PPIP5K2: variants seen among roughly 807,000 people sequenced by gnomAD.
PPIP5K2 encodes inositol hexakisphosphate and diphosphoinositol-pentakisphosphate kinase 2.
A neutral mutation model predicts 154.6 loss-of-function variants in PPIP5K2; 105 were observed. That is an observed-to-expected ratio of 0.68 (90% CI 0.58 to 0.80). PPIP5K2 has a LOEUF of 0.80. Among genes scored for constraint, PPIP5K2 ranks in the 30% least tolerant of loss-of-function variants. The pLI is 0.00. For synonymous variants in PPIP5K2, 480 were observed against 490.3 expected (o/e 0.98, Z 0.28); for missense variants, 992 against 1,504.6 (o/e 0.66, Z 5.64).
rs1349254126 is a variant in PPIP5K2 at position 103,203,521 on chromosome 5, A to G, written c.*1887A>G. Reference sequence around the variant, plus strand: ...ACAAATAAAAAGTCTACTGTATCAGAGCAAAATGTTATAGTTATCACTGTT... The same window carrying G: ...ACAAATAAAAAGTCTACTGTATCAGGGCAAAATGTTATAGTTATCACTGTT... On this transcript the variant is annotated 3_prime_UTR_variant, in exon 31 of 31. Transcript: ENST00000358359. 1.3e-5 allele frequency: 2 copies of G among 152,186 alleles called. No homozygotes were observed. Among genetic ancestry groups the G allele is most frequent in the South Asian group, 4.1e-4 (2 of 4,832 alleles). 9.4% of individuals were successfully genotyped at this position (152,186 alleles called of 1,614,324 possible). A position where few individuals can be genotyped will look rare whatever the true frequency, so the allele number is the denominator to read the frequency against.
rs1554224235 is a variant in PPIP5K2, at chr5:103,184,694, A to G, written c.3119A>G (p.Tyr1040Cys). 1 of 1,612,482 alleles carries G rather than the reference A, an allele frequency of 6.2e-7. No individual in the cohort carries two copies. Among genetic ancestry groups the G allele is most frequent in the Non-Finnish European group, 8.5e-7 (1 of 1,178,718 alleles). Residue 1040 changes from tyrosine (Y) to cysteine (C), a missense_variant, in exon 26 of 31, where the codon TAC becomes TGC. Physicochemically the swap from Tyr to Cys is radical, Grantham distance 194. This residue lies in a region of PPIP5K2 where 204 missense variants were observed against 224.0 expected (regional missense o/e 0.91). Transcript: ENST00000358359. ...WQQVVSENAN[Y>C]LRTPRTLVEQ... The stretch of plus-strand genomic sequence containing the variant: ...CAGGTTGTATCTGAAAATGCTAATT[A>G]CCTGAGAACACCAAGAACTCTTGTG...
At chr5:103,137,037 C>T (rs1003840408) in intron 4 of PPIP5K2, among the ~76,000 whole-genome samples, 5 of 152,140 alleles carry the variant, frequency 3.3e-5, no homozygotes, top group African/African-American at 7.2e-5. Flanking sequence ...AAGTTCCCCA[C>T]GTAGTAGGAC....
intron 28 of PPIP5K2, among the ~76,000 whole-genome samples, chr5:103,187,916 C>T (rs989562084): frequency 2.6e-5 from 4 of 152,084 alleles, no homozygotes; most frequent in Admixed American, 6.6e-5. Context: ...AAACCCTGTT[C>T]GGTCTGGAGC....
intron 16 of PPIP5K2, among the ~76,000 whole-genome samples, chr5:103,158,895 C>T (rs1479857860): frequency 1.5e-4 from 23 of 152,246 alleles, no homozygotes; most frequent in African/African-American, 5.5e-4. Flanking sequence ...CACCGCTGCA[C>T]TCTACCGCAG....
chr5:103,146,767 T>A, intron 6 of PPIP5K2, 86 bp downstream of exon 6: 1 of 1,166,490 alleles, frequency 8.6e-7, no homozygotes, highest in Non-Finnish European at 1.2e-6. Flanking sequence ...TAATTACCGT[T>A]AAATATTGAA....
intron 28 of PPIP5K2, among the ~76,000 whole-genome samples, chr5:103,190,300 C>T (rs1157112466): frequency 2.0e-5 from 3 of 151,866 alleles, no homozygotes; most frequent in African/African-American, 2.4e-5. Flanking sequence ...AGGTGAAATA[C>T]GTTTTGGAAT....
chr5:103,210,836 A>C lies in PPIP5K2; in HGVS notation c.*9202A>C, dbSNP rs1554232545. 6.6e-6 allele frequency: 1 copy of C among 152,158 alleles called. No homozygotes were observed. Among genetic ancestry groups the C allele is most frequent in the Admixed American group, 6.5e-5 (1 of 15,268 alleles). 9.4% of individuals were successfully genotyped at this position (152,158 alleles called of 1,614,324 possible). A position where few individuals can be genotyped will look rare whatever the true frequency, so the allele number is the denominator to read the frequency against. On this transcript the variant is annotated 3_prime_UTR_variant, in exon 31 of 31. Coordinates refer to ENST00000358359, the MANE Select transcript of PPIP5K2 (RefSeq NM_001276277.3). Reference sequence around the variant, plus strand: ...ATAATAGCTTTTTGTTATTATCCAGAATACATTTAGTTCTGGATTTTGTTT... The same window carrying C: ...ATAATAGCTTTTTGTTATTATCCAGCATACATTTAGTTCTGGATTTTGTTT...
chr5:103,170,459 T>G (rs1388489817), intron 19 of PPIP5K2, among the ~76,000 whole-genome samples: 1 of 151,656 alleles, frequency 6.6e-6, no homozygotes. Context: ...TTTAAATCGT[T>G]TGACTCTTCA....
intron 28 of PPIP5K2, chr5:103,188,813 A>G (rs1800785881): frequency 5.8e-6 from 1 of 171,756 alleles, no homozygotes; most frequent in African/African-American, 2.4e-5. Flanking sequence ...TATTTATGTT[A>G]AATTTAATAG....
At chr5:103,143,695 T>G (rs1793241573) in intron 5 of PPIP5K2, among the ~76,000 whole-genome samples, 1 of 152,222 alleles carries the variant, frequency 6.6e-6, no homozygotes, top group Admixed American at 6.5e-5. Flanking sequence ...CATATGATCA[T>G]TTCAATTGAT....
Position 103,173,975 on chromosome 5 carries a change from A to T in PPIP5K2, c.2529+3A>T. 1 of 1,528,542 alleles carries T rather than the reference A, an allele frequency of 6.5e-7. No homozygotes were observed. The highest frequency in any genetic ancestry group is 9.0e-7 in the Non-Finnish European group (1 of 1,112,768). 94.7% of individuals were successfully genotyped at this position (1,528,542 alleles called of 1,614,324 possible). On this transcript the variant is annotated splice_donor_region_variant and intron_variant, in intron 21 of 30. Coordinates refer to ENST00000358359, the MANE Select transcript of PPIP5K2 (RefSeq NM_001276277.3). ...TTCGCTATGGTGCCTTATGCAATGT[A>T]AGTAGAATAAGTTATTTCAGTCTAA... is the stretch of plus-strand genomic sequence containing the variant.
At chr5:103,153,965 A>C (rs1188362071) in intron 11 of PPIP5K2, 31 bp downstream of exon 11, 2 of 1,465,574 alleles carry the variant, frequency 1.4e-6, no homozygotes, top group Non-Finnish European at 1.9e-6. Context: ...TTTAACATGC[A>C]TGATACAATT....
At chr5:103,167,352 A>G (rs1222462393) in intron 18 of PPIP5K2, 32 bp downstream of exon 18, 3 of 1,479,736 alleles carry the variant, frequency 2.0e-6, no homozygotes, top group Non-Finnish European at 2.7e-6. Flanking sequence ...CATAGAACAA[A>G]TAAAAGTTAC....
At chr5:103,177,599 G>A (rs1798911008) in intron 21 of PPIP5K2, 68 bp from the exon 22 acceptor site, 1 of 1,041,526 alleles carries the variant, frequency 9.6e-7, no homozygotes, top group Admixed American at 2.3e-5. Flanking sequence ...AGCTACCATA[G>A]TGACAATAAA....
intron 5 of PPIP5K2, among the ~76,000 whole-genome samples, chr5:103,141,514 C>T (rs1207650795): frequency 1.3e-5 from 2 of 152,116 alleles, no homozygotes; most frequent in African/African-American, 2.4e-5. Context: ...TGGCCCCACC[C>T]ACATCCTGCT....
chr5:103,186,190 G>A (rs1301490566), intron 26 of PPIP5K2, 130 bp from the exon 27 acceptor site: 2 of 1,062,680 alleles, frequency 1.9e-6, no homozygotes, highest in African/African-American at 3.2e-5. Context: ...AGAATATTGT[G>A]AGCCTGTTCA....
At chr5:103,188,856 G>A in intron 28 of PPIP5K2, 1 of 244,722 alleles carries the variant, frequency 4.1e-6, no homozygotes, top group Non-Finnish European at 7.7e-6. Flanking sequence ...CTTTGGTTTA[G>A]GCTCTTTTTT....
At chr5:103,135,801 A>G (rs1460427650) in intron 3 of PPIP5K2, among the ~76,000 whole-genome samples, 1 of 152,218 alleles carries the variant, frequency 6.6e-6, no homozygotes, top group African/African-American at 2.4e-5. Flanking sequence ...CCTGTTCTTC[A>G]CTATATCTAC....
intron 27 of PPIP5K2, 146 bp downstream of exon 27, chr5:103,186,585 G>T: frequency 2.7e-6 from 3 of 1,091,220 alleles, no homozygotes; most frequent in Non-Finnish European, 4.0e-6. Context: ...AGTGCTCTCT[G>T]TTATCTACAA....
Sources: gnomAD v4.1 joint callset for allele counts (sites outside exome capture counted in the v4.1 genomes callset) on GRCh38, gnomAD v4.1.1 for gene constraint, gnomAD v4.1.1 regional missense constraint, MANE v1.5 for transcripts, NCBI Gene and HGNC (gene_info 2026-07-23, HGNC 2026-07-21) for gene names.